The following CEP63 variants were observed in gnomAD, a reference collection of about 807,000 sequenced individuals.
The protein encoded by CEP63 is centrosomal protein of 63 kDa.
CEP63 carries 84 observed loss-of-function variants against 89.1 expected under a neutral mutation model. The observed-to-expected ratio is 0.94, with a 90% confidence interval of 0.79 to 1.13. The LOEUF (loss-of-function observed/expected upper bound fraction) is 1.13. CEP63 is among the 50% of genes most tolerant of loss of function. The pLI, the probability that CEP63 is intolerant of heterozygous loss-of-function variation, is 0.00. For synonymous variants in CEP63, 267 were observed against 272.5 expected (o/e 0.98, Z 0.20); for missense variants, 838 against 813.3 (o/e 1.03, Z -0.37).
chr3:134,594,486 T>C, the CEP63 span, among the ~76,000 whole-genome samples: 2 of 152,074 alleles, frequency 1.3e-5, no homozygotes. Context: ...GGCGGGCGGA[T>C]TCCCCCGAGA....
At position 134,507,173 on chromosome 3, in the gene CEP63, G is replaced by A. The variant is rs1383666958; in HGVS notation, c.109G>A (p.Ala37Thr). 2 of 1,613,364 alleles carry A rather than the reference G, an allele frequency of 1.2e-6. No individual in the cohort carries two copies. The highest frequency in any genetic ancestry group is 2.2e-5 in the East Asian group (1 of 44,786). ...CATGAAACAGATTGACATAATGGTGGCTCATAAAAAATCTGAATGGGAAGG... is the reference window on the plus strand; with the variant it reads ...CATGAAACAGATTGACATAATGGTGACTCATAAAAAATCTGAATGGGAAGG... ...ELMKQIDIMV[A>T]HKKSEWEGRT... Residue 37 changes from alanine to threonine, a missense_variant, in exon 3 of 15, where the codon GCT (alanine) becomes ACT (threonine). By Grantham distance (58) the Ala-to-Thr change is moderately conservative (BLOSUM62 0). Coordinates refer to ENST00000675561, the MANE Select transcript of CEP63 (RefSeq NM_001353108.3).
chr3:134,700,197 G>A, the CEP63 span, among the ~76,000 whole-genome samples: 1 of 152,172 alleles, frequency 6.6e-6, no homozygotes, highest in Non-Finnish European at 1.5e-5. Context: ...CCTTCAGGAA[G>A]TTCTGCTGAC....
the CEP63 span, among the ~76,000 whole-genome samples, chr3:134,742,326 G>T: frequency 6.6e-6 from 1 of 152,148 alleles, no homozygotes. Flanking sequence ...GAGGATGAGA[G>T]AGTCTAGTGT....
At chr3:134,749,849 G>A in the CEP63 span, among the ~76,000 whole-genome samples, 5 of 152,076 alleles carry the variant, frequency 3.3e-5, no homozygotes, top group South Asian at 2.1e-4. Flanking sequence ...CAGGAATGGA[G>A]CAAGCAGGAC....
intron 2 of CEP63, among the ~76,000 whole-genome samples, chr3:134,504,765 C>T (rs530616519): frequency 1.1e-4 from 17 of 152,192 alleles, no homozygotes; most frequent in African/African-American, 3.9e-4. Flanking sequence ...TTATGGTCTC[C>T]CATATGCCAT....
chr3:134,672,153 A>G, the CEP63 span, among the ~76,000 whole-genome samples: 1 of 152,250 alleles, frequency 6.6e-6, no homozygotes, highest in Non-Finnish European at 1.5e-5. Flanking sequence ...CCAGAGTCAG[A>G]TTGAATTCAT....
At chr3:134,546,857 T>G (rs1953467666) in intron 8 of CEP63, among the ~76,000 whole-genome samples, 1 of 152,206 alleles carries the variant, frequency 6.6e-6, no homozygotes, top group South Asian at 2.1e-4. Flanking sequence ...TTTGCATGCT[T>G]GGTGAAAATC....
chr3:134,517,399 T>A (rs1317038818), intron 3 of CEP63, among the ~76,000 whole-genome samples: 1 of 152,220 alleles, frequency 6.6e-6, no homozygotes, highest in Non-Finnish European at 1.5e-5. Context: ...TTTTAACACA[T>A]TTTTCTTAGT....
At chr3:134,722,532 T>C in the CEP63 span, among the ~76,000 whole-genome samples, 7 of 152,260 alleles carry the variant, frequency 4.6e-5, no homozygotes, top group East Asian at 1.3e-3. Flanking sequence ...TCATATTGTT[T>C]TTCTATCCTT....
At chr3:134,559,528 A>C in intron 14 of CEP63, 99 bp downstream of exon 14, 1 of 1,003,078 alleles carries the variant, frequency 1.0e-6, no homozygotes, top group South Asian at 1.5e-5. Context: ...TTCCTTACTG[A>C]TTCTTTTATC....
At chr3:134,615,349 C>T in the CEP63 span, 62 of 96,122 alleles carry the variant, frequency 6.5e-4, no homozygotes, top group Admixed American at 1.1e-3. Flanking sequence ...GTTCAAGAAG[C>T]TTTTTTTTTT....
chr3:134,650,405 C>T, the CEP63 span, among the ~76,000 whole-genome samples: 2 of 152,196 alleles, frequency 1.3e-5, no homozygotes, highest in Non-Finnish European at 2.9e-5. Flanking sequence ...TCTGACTCAG[C>T]CCAAAGGTTT....
chr3:134,588,582 G>A (rs1443330599), downstream of CEP63, among the ~76,000 whole-genome samples: 3 of 152,098 alleles, frequency 2.0e-5, no homozygotes, highest in African/African-American at 4.8e-5. Context: ...AGTTGTGCTC[G>A]CTGGGAAACT....
At chr3:134,592,023 G>T (rs969456456), downstream of CEP63, among the ~76,000 whole-genome samples, 1 of 152,202 alleles carries the variant, frequency 6.6e-6, no homozygotes, top group East Asian at 1.9e-4. Context: ...ATTTTTCAGG[G>T]TCAGGAATTT....
the CEP63 span, among the ~76,000 whole-genome samples, chr3:134,601,494 C>T: frequency 6.6e-6 from 1 of 152,232 alleles, no homozygotes. Context: ...TTTGATGAAA[C>T]AAACACATTT....
At chr3:134,766,034 T>A in the CEP63 span, among the ~76,000 whole-genome samples, 1 of 152,176 alleles carries the variant, frequency 6.6e-6, no homozygotes, top group African/African-American at 2.4e-5. Context: ...TCCTCATGAT[T>A]TCCAAATATA....
the CEP63 span, among the ~76,000 whole-genome samples, chr3:134,729,359 A>C: frequency 1.3e-5 from 2 of 152,224 alleles, no homozygotes; most frequent in Non-Finnish European, 2.9e-5. Flanking sequence ...TGTTATACAT[A>C]CTGTTTCCCA....
At position 134,522,865 on chromosome 3, in the gene CEP63, C is replaced by T. The variant is rs182269071; in HGVS notation, c.223-8980C>T. Reference sequence around the variant, plus strand: ...TGTGAATAGTGCTGCGGTGAACTTACGTGTGTATGTGTCTTTCTGATGGAA... The same window carrying T: ...TGTGAATAGTGCTGCGGTGAACTTATGTGTGTATGTGTCTTTCTGATGGAA... On this transcript the variant is annotated intron_variant, in intron 3 of 14. Transcript: ENST00000675561. 4.6e-5 allele frequency among the ~76,000 whole-genome samples: 7 copies of T among 152,166 alleles called. No homozygotes were observed. In the East Asian group the frequency reaches 9.6e-4, roughly 21 times the overall value.
chr3:134,652,631 T>C, the CEP63 span, among the ~76,000 whole-genome samples: 1 of 148,818 alleles, frequency 6.7e-6, no homozygotes, highest in Non-Finnish European at 1.5e-5. Context: ...TCTGTATGTG[T>C]GCAGGTACAC....
Sources: gnomAD v4.1 joint callset for allele counts (sites outside exome capture counted in the v4.1 genomes callset) on GRCh38, gnomAD v4.1.1 for gene constraint, MANE v1.5 for transcripts, NCBI Gene and HGNC (gene_info 2026-07-23, HGNC 2026-07-21) for gene names.